Variants in RAB28 observed in about 807,000 individuals in gnomAD.
The protein encoded by RAB28 is RAB28, member RAS oncogene family.
RAB28 carries 24 observed loss-of-function variants against 31.7 expected under a neutral mutation model. The observed-to-expected ratio is 0.76, with a 90% CI of 0.55 to 1.06. The LOEUF is 1.06. RAB28 is among the 50% of genes least tolerant of loss of function. The probability of loss-of-function intolerance (pLI) is 0.00; values close to 1 mark genes in which losing one functional copy is unlikely to be tolerated. For missense variants in RAB28, 254 were observed against 258.5 expected, an observed-to-expected ratio of 0.98 and a Z score of 0.12; for synonymous variants, 100 against 90.4, an observed-to-expected ratio of 1.11 and a Z score of -0.60.
chr4:13,407,371 TGTTTTG>T (rs1197478106), intron 4 of RAB28, among the ~76,000 whole-genome samples: 1 of 152,210 alleles, frequency 6.6e-6, no homozygotes. Context: ...TCTGTATATC[TGTTTTG>T]GTACCAGTAC....
At chr4:13,418,277 T>TTGGTG (rs1173723652) in intron 4 of RAB28, among the ~76,000 whole-genome samples, 6 of 152,338 alleles carry the variant, frequency 3.9e-5, no homozygotes, top group African/African-American at 1.4e-4. Context: ...CTACATTTGA[T>TTGGTG]TGGTGTACCT....
intron 3 of RAB28, among the ~76,000 whole-genome samples, chr4:13,469,980 T>C (rs1211318084): frequency 3.3e-5 from 5 of 152,074 alleles, no homozygotes; most frequent in East Asian, 3.9e-4. Flanking sequence ...AATGACCCAA[T>C]GGCCTGGACT....
At chr4:13,434,418 A>G (rs1713980391) in intron 4 of RAB28, among the ~76,000 whole-genome samples, 1 of 152,248 alleles carries the variant, frequency 6.6e-6, no homozygotes, top group Non-Finnish European at 1.5e-5. Flanking sequence ...AGAAGCACAC[A>G]AGTTTATAAA....
chr4:13,391,289 C>A (rs956213366), intron 4 of RAB28, among the ~76,000 whole-genome samples: 5 of 152,086 alleles, frequency 3.3e-5, no homozygotes, highest in Admixed American at 6.5e-5. Flanking sequence ...ATGCGGCCAA[C>A]AGACACATGA....
intron 4 of RAB28, among the ~76,000 whole-genome samples, chr4:13,430,960 C>G (rs1343003004): frequency 6.6e-6 from 1 of 152,194 alleles, no homozygotes; most frequent in Non-Finnish European, 1.5e-5. Flanking sequence ...GGGTCATCTC[C>G]TGGCCTCCCC....
At chr4:13,450,920 T>C (rs1212196387) in intron 4 of RAB28, among the ~76,000 whole-genome samples, 2 of 151,866 alleles carry the variant, frequency 1.3e-5, no homozygotes. Flanking sequence ...AAGAAGCATG[T>C]GGAAGATGAA....
At chr4:13,446,177 C>T (rs1029877030) in intron 4 of RAB28, among the ~76,000 whole-genome samples, 2 of 152,142 alleles carry the variant, frequency 1.3e-5, no homozygotes, top group Non-Finnish European at 1.5e-5. Flanking sequence ...TCGGGAAAAC[C>T]GCCTACTAAA....
chr4:13,459,948 C>T (rs561734345), intron 4 of RAB28: 2 of 1,264,990 alleles, frequency 1.6e-6, no homozygotes, highest in African/African-American at 3.1e-5. Flanking sequence ...AAAACACACA[C>T]TGTCAGAACT....
chr4:13,434,741 AGGTGC>A (rs1269077463), intron 4 of RAB28, among the ~76,000 whole-genome samples: 3 of 152,156 alleles, frequency 2.0e-5, no homozygotes, highest in African/African-American at 7.2e-5. Flanking sequence ...AACACAGGCC[AGGTGC>A]AGTGGCTCAC....
chr4:13,412,019 T>C (rs1210719899), intron 4 of RAB28, among the ~76,000 whole-genome samples: 1 of 137,240 alleles, frequency 7.3e-6, no homozygotes, highest in South Asian at 2.2e-4. Flanking sequence ...CATTCAAAAG[T>C]CAAAAAAAAA....
intron 3 of RAB28, among the ~76,000 whole-genome samples, chr4:13,467,578 T>C (rs1715920518): frequency 6.6e-6 from 1 of 151,910 alleles, no homozygotes; most frequent in African/African-American, 2.4e-5. Flanking sequence ...AGCAATACAG[T>C]GTCATTTAAA....
At chr4:13,441,618 C>A (rs192449936) in intron 4 of RAB28, among the ~76,000 whole-genome samples, 357 of 152,272 alleles carry the variant, frequency 2.3e-3, no homozygotes, top group Admixed American at 4.2e-3. Context: ...CTGTGACATA[C>A]CACACAAGTA....
At chr4:13,422,899 T>G (rs1040396437) in intron 4 of RAB28, among the ~76,000 whole-genome samples, 54 of 150,476 alleles carry the variant, frequency 3.6e-4, no homozygotes, top group African/African-American at 1.2e-3. Context: ...AAAGTATAAT[T>G]TTTAAAAATG....
At chr4:13,455,761 G>T (rs939022239) in intron 4 of RAB28, among the ~76,000 whole-genome samples, 10 of 152,202 alleles carry the variant, frequency 6.6e-5, no homozygotes, top group African/African-American at 2.4e-4. Flanking sequence ...GTAGATGTTT[G>T]TGGTGGCAAT....
intron 4 of RAB28, among the ~76,000 whole-genome samples, chr4:13,453,373 T>C (rs1055716514): frequency 6.6e-6 from 1 of 152,158 alleles, no homozygotes; most frequent in African/African-American, 2.4e-5. Flanking sequence ...CTTATTCTTA[T>C]AGTTGAATGG....
chr4:13,383,283 AAAAT>A (rs1439592901), intron 4 of RAB28, among the ~76,000 whole-genome samples: 7 of 152,304 alleles, frequency 4.6e-5, no homozygotes, highest in Non-Finnish European at 8.8e-5. Context: ...CATCCATTAA[AAAAT>A]AAATAAATAA....
chr4:13,431,724 G>A lies in RAB28; in HGVS notation c.391+28975C>T, dbSNP rs141351279. Among the ~76,000 whole-genome samples the A allele has an allele frequency of 2.0e-4, 31 of 151,864 alleles. 1 individual carries two copies. The East Asian group carries it at 5.0e-3, about 25-fold the overall frequency. On this transcript the variant is annotated intron_variant, in intron 4 of 6. Transcript: ENST00000330852. Reference sequence around the variant, plus strand: ...TGGTCCCCTGAAAGCACCCAGAAACGAAGCCAAACAATCATACACAATATA... The same window carrying A: ...TGGTCCCCTGAAAGCACCCAGAAACAAAGCCAAACAATCATACACAATATA...
intron 2 of RAB28, 105 bp from the exon 3 acceptor site, chr4:13,474,511 C>G (rs1205305070): frequency 1.6e-6 from 1 of 642,044 alleles, no homozygotes; most frequent in Non-Finnish European, 2.5e-6. Context: ...ATAAGAAACT[C>G]TGAGCCCAAT....
chr4:13,450,025 TTAAAA>T (rs1225040870), intron 4 of RAB28, among the ~76,000 whole-genome samples: 1 of 151,826 alleles, frequency 6.6e-6, no homozygotes, highest in Admixed American at 6.5e-5. Flanking sequence ...AACATTGAAC[TTAAAA>T]TTAATCTTTT....
Sources: gnomAD v4.1 joint callset for allele counts (sites outside exome capture counted in the v4.1 genomes callset) on GRCh38, gnomAD v4.1.1 for gene constraint, MANE v1.5 for transcripts, NCBI Gene and HGNC (gene_info 2026-07-23, HGNC 2026-07-21) for gene names.